The following ADAM12 variants were observed in gnomAD, a reference collection of about 807,000 sequenced individuals.
ADAM12 encodes disintegrin and metalloproteinase domain-containing protein 12.
In ADAM12, 70 loss-of-function variants were observed where a neutral mutation model predicts 106.4. That is an observed-to-expected ratio of 0.66 (90% CI 0.54 to 0.80). ADAM12 has a LOEUF of 0.80. ADAM12 is among the 30% of genes least tolerant of loss of function. The pLI is 0.00. For synonymous variants in ADAM12, 420 were observed against 433.5 expected (o/e 0.97, Z 0.39); for missense variants, 1,010 against 1,171.9 (o/e 0.86, Z 2.02).
In ADAM12 at chr10:126,382,508, A is replaced by G. The variant is rs548388318; in HGVS notation, c.88+5550T>C. ...CCTAGAGCCAGGCTTAAATTGCCAG[A>G]GTGAAATCGCCTTGGCAGGAAGCTG... On this transcript the variant is annotated intron_variant, in intron 1 of 22. Transcript: ENST00000448723. Among the ~76,000 whole-genome samples, 14 of 152,348 alleles carry G rather than the reference A, an allele frequency of 9.2e-5. No homozygotes were observed. The South Asian group carries it at 2.9e-3, about 32-fold the overall frequency.
chr10:126,077,826 G>A (rs1472821116), intron 11 of ADAM12, among the ~76,000 whole-genome samples: 1 of 151,962 alleles, frequency 6.6e-6, no homozygotes, highest in African/African-American at 2.4e-5. Flanking sequence ...TTTTTTTAAA[G>A]CAAACTGCTT....
intron 2 of ADAM12, among the ~76,000 whole-genome samples, chr10:126,290,732 T>C (rs186327848): frequency 6.6e-6 from 1 of 152,324 alleles, no homozygotes. Flanking sequence ...TATACATTTA[T>C]TAACTGAGGG....
At chr10:126,272,466 A>G (rs4962546) in intron 3 of ADAM12, among the ~76,000 whole-genome samples, 9,758 of 152,028 alleles carry the variant, frequency 0.064, 418 homozygotes, top group Admixed American at 0.13. Context: ...GAGCAAGCAC[A>G]TTGTCTTAAT....
In ADAM12 at chr10:126,174,017, T is replaced by G. The variant is rs1957171422; in HGVS notation, c.261-18712A>C. On this transcript the variant is annotated intron_variant, in intron 3 of 22. Transcript: ENST00000448723. ...GATTCATCTGTTGTTGATTTTTTTT[T>G]TTTTTTTTTTTTTTTTTTTGAGATA... 7.1e-5 allele frequency among the ~76,000 whole-genome samples: 7 copies of G among 98,426 alleles called. No individual in the cohort carries two copies. The South Asian group carries it at 2.7e-3, about 38-fold the overall frequency. 64.6% of individuals were successfully genotyped at this position (98,426 alleles called of 152,430 possible). A position where few individuals can be genotyped will look rare whatever the true frequency, so the allele number is the denominator to read the frequency against.
chr10:126,297,178 C>G (rs1960419701), intron 2 of ADAM12, among the ~76,000 whole-genome samples: 2 of 152,090 alleles, frequency 1.3e-5, no homozygotes, highest in African/African-American at 2.4e-5. Flanking sequence ...AAAGTATGCA[C>G]AGATATAAGC....
chr10:126,040,298 T>G (rs1954137892), intron 18 of ADAM12, among the ~76,000 whole-genome samples: 1 of 152,218 alleles, frequency 6.6e-6, no homozygotes, highest in Non-Finnish European at 1.5e-5. Flanking sequence ...TTCATTTGTC[T>G]TCCCATCAGC....
Position 126,109,824 on chromosome 10 carries a change from A to C in ADAM12, c.620T>G (p.Leu207Arg), listed in dbSNP as rs1397074183. 2 of 1,612,938 alleles carry C rather than the reference A, an allele frequency of 1.2e-6. No individual in the cohort carries two copies. The highest frequency in any genetic ancestry group is 3.3e-5 in the Admixed American group (2 of 59,976). The change falls in exon 7 of 23, where the codon CTC (leucine) becomes CGC (arginine). Residue 207 changes from leucine to arginine, a missense_variant. Coordinates refer to ENST00000448723, the MANE Select transcript of ADAM12 (RefSeq NM_001288973.2). Reference sequence around the variant, plus strand: ...CAGCTCCACATACTTAGTTGCCTTGAGGGTCTCTCTTTTATGCTGCCAAGA... The same window carrying C: ...CAGCTCCACATACTTAGTTGCCTTGCGGGTCTCTCTTTTATGCTGCCAAGA... Reference protein sequence around the residue: ...TWARRHKRETLKATKYVELVI... With the variant: ...TWARRHKRETRKATKYVELVI...
intron 3 of ADAM12, among the ~76,000 whole-genome samples, chr10:126,210,258 T>G (rs1403524040): frequency 6.6e-6 from 1 of 152,244 alleles, no homozygotes; most frequent in Non-Finnish European, 1.5e-5. Flanking sequence ...TGTTGACCAA[T>G]GCTTTCCTCT....
At chr10:126,201,475 C>T (rs561011212) in intron 3 of ADAM12, among the ~76,000 whole-genome samples, 5 of 152,190 alleles carry the variant, frequency 3.3e-5, no homozygotes, top group South Asian at 2.1e-4. Context: ...CTGGAAGAGG[C>T]GAGGAAGGGT....
chr10:126,116,259 C>T (rs772040292), intron 6 of ADAM12, among the ~76,000 whole-genome samples: 7 of 152,244 alleles, frequency 4.6e-5, no homozygotes, highest in South Asian at 4.1e-4. Flanking sequence ...AATCTTGTAA[C>T]GTGGGCAACG....
chr10:126,033,200 A>C (rs2133393264), intron 21 of ADAM12, among the ~76,000 whole-genome samples: 1 of 152,274 alleles, frequency 6.6e-6, no homozygotes, highest in South Asian at 2.1e-4. Context: ...TAGTAGCTTG[A>C]AACTGGCCAC....
intron 22 of ADAM12, among the ~76,000 whole-genome samples, chr10:126,017,697 A>G (rs1953685244): frequency 6.6e-6 from 1 of 152,226 alleles, no homozygotes; most frequent in Admixed American, 6.5e-5. Context: ...AAAAAAATGG[A>G]TAGTTGACAT....
intron 1 of ADAM12, among the ~76,000 whole-genome samples, chr10:126,352,555 T>C (rs1289033731): frequency 6.6e-6 from 1 of 152,226 alleles, no homozygotes; most frequent in Non-Finnish European, 1.5e-5. Context: ...TGGTACTATA[T>C]GAACTGCTTG....
At chr10:126,081,620 T>A (rs1278341) in intron 11 of ADAM12, among the ~76,000 whole-genome samples, 61,365 of 152,026 alleles carry the variant, frequency 0.4, 13,101 homozygotes, top group Admixed American at 0.53. Flanking sequence ...CCGAAGCCTA[T>A]GTCTGAGCAG....
chr10:126,148,646 G>A (rs1296816196), intron 4 of ADAM12, among the ~76,000 whole-genome samples: 1 of 152,150 alleles, frequency 6.6e-6, no homozygotes, highest in East Asian at 1.9e-4. Context: ...CTGGAGATTT[G>A]GGGGTGCCAA....
At chr10:126,150,496 T>A (rs1224226778) in intron 4 of ADAM12, among the ~76,000 whole-genome samples, 1 of 152,160 alleles carries the variant, frequency 6.6e-6, no homozygotes, top group South Asian at 2.1e-4. Flanking sequence ...TGCTCCTTAA[T>A]GGTACCACTG....
At chr10:126,297,850 G>C (rs529775017) in intron 2 of ADAM12, among the ~76,000 whole-genome samples, 1 of 152,290 alleles carries the variant, frequency 6.6e-6, no homozygotes, top group East Asian at 1.9e-4. Context: ...GGAATCTGCA[G>C]CTATTAGGAG....
intron 1 of ADAM12, among the ~76,000 whole-genome samples, chr10:126,337,417 C>T (rs1164419004): frequency 6.6e-6 from 1 of 152,110 alleles, no homozygotes; most frequent in Admixed American, 6.5e-5. Flanking sequence ...GTCCAAAGGT[C>T]AAAGAACCTG....
intron 3 of ADAM12, among the ~76,000 whole-genome samples, chr10:126,230,283 C>T (rs566040477): frequency 1.3e-5 from 2 of 152,238 alleles, no homozygotes; most frequent in East Asian, 1.9e-4. Context: ...CCTTATATTT[C>T]CTGCAGCTAA....
Sources: gnomAD v4.1 joint callset for allele counts (sites outside exome capture counted in the v4.1 genomes callset) on GRCh38, gnomAD v4.1.1 for gene constraint, MANE v1.5 for transcripts, NCBI Gene and HGNC (gene_info 2026-07-23, HGNC 2026-07-21) for gene names.